TMEM154: variants seen among roughly 807,000 people sequenced by gnomAD.
The protein encoded by TMEM154 is transmembrane protein 154.
A neutral mutation model predicts 24.5 loss-of-function variants in TMEM154; 27 were observed. The ratio of observed to expected loss-of-function variants is 1.10; its 90% confidence interval spans 0.81 to 1.52. The LOEUF is 1.52. Ranked by LOEUF, TMEM154 falls within the 40% of genes most tolerant of loss-of-function variation. TMEM154 has a pLI of 0.00. For synonymous variants in TMEM154, 67 were observed against 76.8 expected, an observed-to-expected ratio of 0.87 and a Z score of 0.67; for missense variants, 228 against 213.4, an observed-to-expected ratio of 1.07 and a Z score of -0.43.
At chr4:152,636,061 A>C (rs1485842137) in intron 6 of TMEM154, among the ~76,000 whole-genome samples, 1 of 152,204 alleles carries the variant, frequency 6.6e-6, no homozygotes, top group African/African-American at 2.4e-5. Flanking sequence ...CAGAAGAAGG[A>C]AGAGGCTGGC....
chr4:152,624,439 A>T lies in TMEM154; in HGVS notation c.*4107T>A, dbSNP rs1751885152. On this transcript the variant is annotated 3_prime_UTR_variant, in exon 7 of 7. Coordinates refer to ENST00000304385, the MANE Select transcript of TMEM154 (RefSeq NM_152680.3). ...ACACGGTGAAACCCTATCTGTACAA[A>T]AGATACAAAAAATTAGCCAGTCCTA... 6.6e-6 allele frequency: 1 copy of T among 152,052 alleles called. No individual in the cohort carries two copies. Among genetic ancestry groups the T allele is most frequent in the Admixed American group, 6.6e-5 (1 of 15,250 alleles). The allele number at this position is 152,052 out of a possible 1,614,324, so 9.4% of individuals were successfully genotyped here. A position where few individuals can be genotyped will look rare whatever the true frequency, so the allele number is the denominator to read the frequency against.
chr4:152,652,961 G>A, intron 1 of TMEM154, 34 bp from the exon 2 acceptor site: 1 of 1,547,278 alleles, frequency 6.5e-7, no homozygotes, highest in East Asian at 2.3e-5. Flanking sequence ...AAATTTCCAT[G>A]GAGACAAAGT....
chr4:152,652,001 T>C (rs1016344125), intron 3 of TMEM154, among the ~76,000 whole-genome samples: 1 of 152,212 alleles, frequency 6.6e-6, no homozygotes, highest in Non-Finnish European at 1.5e-5. Flanking sequence ...AATGGCTTGT[T>C]GGTGAAGCAG....
chr4:152,639,246 T>C (rs538827560), intron 6 of TMEM154, among the ~76,000 whole-genome samples: 9 of 152,332 alleles, frequency 5.9e-5, no homozygotes, highest in Admixed American at 2.6e-4. Context: ...CCACATTGCC[T>C]GGCCAAAAAT....
intron 3 of TMEM154, among the ~76,000 whole-genome samples, chr4:152,644,759 G>A (rs543572619): frequency 6.6e-5 from 10 of 152,318 alleles, no homozygotes; most frequent in African/African-American, 1.9e-4. Context: ...GCAAGGGAGG[G>A]TGAAACAAGA....
At chr4:152,652,086 T>C (rs1403137539) in intron 3 of TMEM154, among the ~76,000 whole-genome samples, 1 of 152,154 alleles carries the variant, frequency 6.6e-6, no homozygotes, top group East Asian at 1.9e-4. Flanking sequence ...CCAAAACAAT[T>C]ACAACAGTAA....
intron 6 of TMEM154, among the ~76,000 whole-genome samples, chr4:152,636,370 C>T (rs1752149308): frequency 6.6e-6 from 1 of 152,196 alleles, no homozygotes; most frequent in African/African-American, 2.4e-5. Context: ...AGGTATGAAT[C>T]ACGGAAAAGA....
intron 6 of TMEM154, among the ~76,000 whole-genome samples, chr4:152,634,031 C>CAAAAAAAA (rs1167923301): frequency 1.0e-3 from 21 of 20,386 alleles, no homozygotes; most frequent in Non-Finnish European, 1.8e-3. Context: ...GACCCCATCT[C>CAAAAAAAA]AAAAAAAAAA....
intron 6 of TMEM154, among the ~76,000 whole-genome samples, chr4:152,628,860 T>C (rs1751977128): frequency 6.6e-6 from 1 of 151,410 alleles, no homozygotes; most frequent in Non-Finnish European, 1.5e-5. Context: ...TTAGCCAGGA[T>C]GGTCTCGATC....
rs572415625 is a variant in TMEM154, at chr4:152,652,702, A to G, written c.290T>C (p.Leu97Pro). 6.2e-7 allele frequency: 1 copy of G among 1,613,930 alleles called. No individual in the cohort carries two copies. Among genetic ancestry groups the G allele is most frequent in the South Asian group, 1.1e-5 (1 of 91,044 alleles). Residue 97 changes from leucine to proline, a missense_variant, in exon 2 of 7, where the codon CTT becomes CCT. By Grantham distance (98) the Leu-to-Pro change is moderately conservative. Transcript: ENST00000304385. ...LVLLLLSVVF[L>P]ATYYKRKRTK... ...TCTTTTTCTTTTATAGTATGTTGCA[A>G]GGAATACCACGGATAAAAGTAAGAG...
chr4:152,679,886 G>T lies in TMEM154; in HGVS notation c.48C>A (p.Leu16=). 2 of 1,610,314 alleles carry T rather than the reference G, an allele frequency of 1.2e-6. No individual in the cohort carries two copies. The highest frequency in any genetic ancestry group is 1.3e-5 in the African/African-American group (1 of 75,044). ...AALVFALVIA[L]VPVGRGNYEE... Reference sequence around the variant, plus strand: ...GCGGCTTACCCCGGCCGACGGGAACGAGCGCGATCACCAGGGCGAAGACTA... The same window carrying T: ...GCGGCTTACCCCGGCCGACGGGAACTAGCGCGATCACCAGGGCGAAGACTA... Residue 16 remains leucine, a synonymous_variant, in exon 1 of 7, where the codon CTC becomes CTA. Transcript: ENST00000304385.
At chr4:152,629,941 A>G (rs1379567271) in intron 6 of TMEM154, among the ~76,000 whole-genome samples, 1 of 152,206 alleles carries the variant, frequency 6.6e-6, no homozygotes, top group South Asian at 2.1e-4. Context: ...AGACAGAGGC[A>G]TAAGCTATCA....
At chr4:152,635,853 G>A (rs1752138403) in intron 6 of TMEM154, among the ~76,000 whole-genome samples, 1 of 152,212 alleles carries the variant, frequency 6.6e-6, no homozygotes, top group Non-Finnish European at 1.5e-5. Context: ...CACTTGAGCA[G>A]AACCACATCT....
Position 152,628,596 on chromosome 4 carries a change from A to ACAC in TMEM154, c.537-36_537-35insGTG, listed in dbSNP as rs1751965587. Reference sequence around the variant, plus strand: ...AAAAAAAAAAAAAAAAAAAAAACAAAAAAAACACACACACACACACAAAAC... The same window carrying ACAC: ...AAAAAAAAAAAAAAAAAAAAAACAAACACAAAAACACACACACACACACAAAAC... On this transcript the variant is annotated intron_variant, in intron 6 of 6. Transcript: ENST00000304385. 5.1e-6 allele frequency: 6 copies of ACAC among 1,174,038 alleles called. No individual in the cohort carries two copies. In the African/African-American group the frequency reaches 9.4e-5, roughly 18 times the overall value. 72.7% of individuals were successfully genotyped at this position (1,174,038 alleles called of 1,614,324 possible).
In TMEM154 at chr4:152,619,297, T is replaced by C. The variant is rs563232986; in HGVS notation, c.*9249A>G. The C allele has an allele frequency of 6.6e-5, 10 of 152,356 alleles. No homozygotes were observed. The South Asian group carries it at 2.1e-3, about 32-fold the overall frequency. The allele number at this position is 152,356 out of a possible 1,614,324, so 9.4% of individuals were successfully genotyped here. On this transcript the variant is annotated 3_prime_UTR_variant, in exon 7 of 7. Transcript: ENST00000304385. Reference sequence around the variant, plus strand: ...TCCAAGCCAAAGAGCACATAGGCACTGGGATTCAGGGAGGTCAAATATCCA... The same window carrying C: ...TCCAAGCCAAAGAGCACATAGGCACCGGGATTCAGGGAGGTCAAATATCCA...
At chr4:152,666,189 T>C (rs1728718733) in intron 1 of TMEM154, among the ~76,000 whole-genome samples, 1 of 152,216 alleles carries the variant, frequency 6.6e-6, no homozygotes, top group African/African-American at 2.4e-5. Context: ...TTGTGGCTAA[T>C]TATCAGTCAC....
At chr4:152,670,304 AG>A (rs1728810850) in intron 1 of TMEM154, among the ~76,000 whole-genome samples, 1 of 152,164 alleles carries the variant, frequency 6.6e-6, no homozygotes, top group African/African-American at 2.4e-5. Context: ...AAGATTTGGG[AG>A]GCCGGGTGCG....
At chr4:152,637,524 A>C (rs1752172686) in intron 6 of TMEM154, among the ~76,000 whole-genome samples, 1 of 152,008 alleles carries the variant, frequency 6.6e-6, no homozygotes, top group Admixed American at 6.6e-5. Flanking sequence ...CAGCATGGGC[A>C]ACAAGAATGA....
At chr4:152,647,028 A>C in intron 3 of TMEM154, 1 of 746,228 alleles carries the variant, frequency 1.3e-6, no homozygotes, top group Non-Finnish European at 2.4e-6. Context: ...ACGTTACTAC[A>C]TCATGTTTCC....
Sources: gnomAD v4.1 joint callset for allele counts (sites outside exome capture counted in the v4.1 genomes callset) on GRCh38, gnomAD v4.1.1 for gene constraint, MANE v1.5 for transcripts, NCBI Gene and HGNC (gene_info 2026-07-23, HGNC 2026-07-21) for gene names.